NALCN: variants seen among roughly 807,000 people sequenced by gnomAD.
The protein encoded by NALCN is sodium leak channel, non-selective.
In NALCN, 111 loss-of-function variants were observed where a neutral mutation model predicts 225.3. The ratio of observed to expected loss-of-function variants is 0.49; its 90% CI spans 0.42 to 0.58. The LOEUF is 0.58. NALCN is among the 20% of genes least tolerant of loss of function. The pLI is 0.00. For missense variants in NALCN, 1,378 were observed against 2,202.4 expected (o/e 0.63, Z 7.49); for synonymous variants, 764 against 769.0 (o/e 0.99, Z 0.11).
chr13:101,321,860 A>C (rs930272597), intron 7 of NALCN, among the ~76,000 whole-genome samples: 20 of 152,168 alleles, frequency 1.3e-4, no homozygotes, highest in African/African-American at 4.6e-4. Context: ...GATACCGGAG[A>C]GAGGACCGGA....
chr13:101,353,924 TC>T (rs1336559374), intron 6 of NALCN, among the ~76,000 whole-genome samples: 1 of 152,214 alleles, frequency 6.6e-6, no homozygotes, highest in Non-Finnish European at 1.5e-5. Flanking sequence ...TAATATATGT[TC>T]CCCAAGTTGA....
Position 101,107,994 on chromosome 13 carries a change from CAACA to C in NALCN, c.2365-209_2365-206del, listed in dbSNP as rs369742896. Among the ~76,000 whole-genome samples, 111 of 147,290 alleles carry C rather than the reference CAACA, an allele frequency of 7.5e-4. 5 individuals are homozygous for C. The East Asian group carries it at 0.02, about 27-fold the overall frequency. ...TATTTATACTAAATGTATATATTTACAACAAATATGTATATTTACACTAAATGTA... is the reference window on the plus strand; with the variant it reads ...TATTTATACTAAATGTATATATTTACAATATGTATATTTACACTAAATGTA... On this transcript the variant is annotated intron_variant, in intron 20 of 43. Transcript: ENST00000251127.
intron 10 of NALCN, among the ~76,000 whole-genome samples, chr13:101,273,531 T>C (rs2042868751): frequency 6.6e-6 from 1 of 152,344 alleles, no homozygotes; most frequent in Middle Eastern, 3.4e-3. Flanking sequence ...TTTAATATTT[T>C]AGATTTGTCT....
At chr13:101,303,620 G>C (rs762222754) in intron 7 of NALCN, among the ~76,000 whole-genome samples, 14 of 152,074 alleles carry the variant, frequency 9.2e-5, no homozygotes, top group African/African-American at 3.4e-4. Context: ...GGTCATTCAC[G>C]GAATATGGTT....
intron 6 of NALCN, among the ~76,000 whole-genome samples, chr13:101,360,824 A>C (rs773953667): frequency 6.6e-6 from 1 of 152,184 alleles, no homozygotes; most frequent in Non-Finnish European, 1.5e-5. Flanking sequence ...CTCCTTGGAC[A>C]TTTCTGGGGA....
At chr13:101,207,587 G>A (rs1274612408) in intron 13 of NALCN, among the ~76,000 whole-genome samples, 1 of 152,092 alleles carries the variant, frequency 6.6e-6, no homozygotes, top group Non-Finnish European at 1.5e-5. Context: ...TGGGCTTCTG[G>A]GTTGAGTGGG....
intron 15 of NALCN, among the ~76,000 whole-genome samples, chr13:101,162,956 C>T (rs1025586701): frequency 2.2e-4 from 33 of 152,072 alleles, no homozygotes; most frequent in African/African-American, 7.0e-4. Context: ...GATGGAGATT[C>T]GCAGACGCGA....
At chr13:101,148,955 T>G (rs2037493955) in intron 15 of NALCN, among the ~76,000 whole-genome samples, 1 of 150,310 alleles carries the variant, frequency 6.7e-6, no homozygotes, top group Non-Finnish European at 1.5e-5. Flanking sequence ...TGAACTGATG[T>G]CTGTCGTTGA....
intron 3 of NALCN, among the ~76,000 whole-genome samples, chr13:101,379,601 CA>C (rs56052507): frequency 0.25 from 37,460 of 151,876 alleles, 4,871 homozygotes; most frequent in Non-Finnish European, 0.29. Context: ...CACTCTCAGC[CA>C]AACTAACACA....
intron 6 of NALCN, among the ~76,000 whole-genome samples, chr13:101,353,588 G>T (rs1421281402): frequency 6.6e-6 from 1 of 152,140 alleles, no homozygotes; most frequent in Non-Finnish European, 1.5e-5. Context: ...TAGTGGAACT[G>T]CAAAACAAGA....
intron 14 of NALCN, among the ~76,000 whole-genome samples, chr13:101,176,643 T>C (rs944825928): frequency 6.6e-6 from 1 of 152,220 alleles, no homozygotes; most frequent in Non-Finnish European, 1.5e-5. Flanking sequence ...TTTTTTGAAC[T>C]CAACAATCCC....
chr13:101,235,263 C>T (rs956636913), intron 12 of NALCN, among the ~76,000 whole-genome samples: 2 of 151,964 alleles, frequency 1.3e-5, no homozygotes, highest in Admixed American at 1.3e-4. Context: ...CTCATTAATT[C>T]TATAATAAAT....
intron 6 of NALCN, among the ~76,000 whole-genome samples, chr13:101,371,970 T>C (rs1338609075): frequency 6.6e-6 from 1 of 152,140 alleles, no homozygotes; most frequent in African/African-American, 2.4e-5. Flanking sequence ...AATCAATTGA[T>C]TAATAAGATA....
chr13:101,151,671 A>G (rs2037657158), intron 15 of NALCN, among the ~76,000 whole-genome samples: 1 of 152,184 alleles, frequency 6.6e-6, no homozygotes, highest in Non-Finnish European at 1.5e-5. Flanking sequence ...CTGTATCTAT[A>G]TATATGACAT....
intron 10 of NALCN, among the ~76,000 whole-genome samples, chr13:101,278,741 T>A (rs2043048644): frequency 6.6e-6 from 1 of 152,158 alleles, no homozygotes; most frequent in Non-Finnish European, 1.5e-5. Context: ...TATCCAGAGA[T>A]ATCCAAAGTC....
Position 101,057,959 on chromosome 13 carries a change from C to T in NALCN, c.5003G>A (p.Gly1668Glu). ...CCTACCTGAGGGCAGACGCCACTGC[C>T]CAAATTTCCTCTGGGGTTTCCCTGC... is the stretch of plus-strand genomic sequence containing the variant. Reference protein sequence around the residue: ...ADAGKPQRKFGQWRLPSAPKP... With the variant: ...ADAGKPQRKFEQWRLPSAPKP... Residue 1668 changes from glycine (G) to glutamate (E), a missense_variant, in exon 43 of 44, where the codon GGG becomes GAG. Coordinates refer to ENST00000251127, the MANE Select transcript of NALCN (RefSeq NM_052867.4). 6.2e-7 allele frequency: 1 copy of T among 1,613,904 alleles called. No individual in the cohort carries two copies. Among genetic ancestry groups the T allele is most frequent in the Non-Finnish European group, 8.5e-7 (1 of 1,180,004 alleles).
intron 7 of NALCN, among the ~76,000 whole-genome samples, chr13:101,317,447 T>C (rs1254662577): frequency 6.6e-6 from 1 of 152,160 alleles, no homozygotes; most frequent in East Asian, 1.9e-4. Context: ...AAGGACATTG[T>C]CCAGAAAAGC....
chr13:101,312,554 T>A (rs2044386344), intron 7 of NALCN, among the ~76,000 whole-genome samples: 1 of 152,080 alleles, frequency 6.6e-6, no homozygotes, highest in Non-Finnish European at 1.5e-5. Flanking sequence ...GATTCTGGTA[T>A]GTTGTGTCTT....
In NALCN at chr13:101,095,586, AC is replaced by A. The variant is rs1394927487; in HGVS notation, c.3256del (p.Val1086CysfsTer29). ...ATGATATACTTACCAAACACGGGGC[AC>A]CCAAAATCCAGGTTTTTTCTCTCCA... ...RPGEKKPGFW[V>X]PRVWANPRNF... is the part of the protein sequence containing the mutation. On this transcript the variant is annotated frameshift_variant, in exon 28 of 44. Coordinates refer to ENST00000251127, the MANE Select transcript of NALCN (RefSeq NM_052867.4). LOFTEE classifies it high-confidence loss of function. The A allele has an allele frequency of 6.2e-7, 1 of 1,612,536 alleles. No individual in the cohort carries two copies. The highest frequency in any genetic ancestry group is 1.1e-5 in the South Asian group (1 of 90,664).
Sources: allele counts gnomAD v4.1 joint callset (sites outside exome capture counted in the v4.1 genomes callset), GRCh38; gene constraint gnomAD v4.1.1; transcripts MANE v1.5; gene names NCBI Gene and HGNC (gene_info 2026-07-23, HGNC 2026-07-21).